Variants in STRADA observed in about 807,000 individuals in gnomAD.
STRADA encodes STE20-related kinase adapter protein alpha.
STRADA carries 26 observed loss-of-function variants against 55.0 expected under a neutral mutation model. That is an observed-to-expected ratio of 0.47 (90% CI 0.35 to 0.66). The LOEUF is 0.66. STRADA is among the 30% of genes least tolerant of loss of function. The pLI is 0.01. For missense variants in STRADA, 443 were observed against 549.7 expected, an observed-to-expected ratio of 0.81 and a Z score of 1.94; for synonymous variants, 197 against 210.9, an observed-to-expected ratio of 0.93 and a Z score of 0.57.
chr17:63,707,111 C>T (rs35631456), intron 9 of STRADA, 136 bp downstream of exon 9: 110,519 of 1,122,300 alleles, frequency 0.098, 6,228 homozygotes, highest in Non-Finnish European at 0.11. Context: ...GCGCTGCCCA[C>T]GCTGAGGGCT....
chr17:63,729,004 C>T (rs904989798), intron 1 of STRADA, among the ~76,000 whole-genome samples: 3 of 151,924 alleles, frequency 2.0e-5, no homozygotes, highest in African/African-American at 7.3e-5. Context: ...AACCTTTTCC[C>T]AGAAGCAATT....
At chr17:63,731,791 T>C (rs1321083648) in intron 1 of STRADA, among the ~76,000 whole-genome samples, 1 of 152,312 alleles carries the variant, frequency 6.6e-6, no homozygotes, top group East Asian at 1.9e-4. Context: ...GGCAGATAGA[T>C]GTTTTTATCT....
At chr17:63,714,174 G>A in intron 4 of STRADA, 66 bp from the exon 5 acceptor site, 1 of 1,261,344 alleles carries the variant, frequency 7.9e-7, no homozygotes, top group South Asian at 1.2e-5. Context: ...TGGGGTGAAG[G>A]TGGTAATTCA....
intron 3 of STRADA, chr17:63,726,349 T>C (rs916186666): frequency 3.8e-5 from 12 of 316,964 alleles, no homozygotes; most frequent in Non-Finnish European, 5.7e-5. Context: ...CTACAGACTT[T>C]TAAATAGTTT....
intron 1 of STRADA, among the ~76,000 whole-genome samples, chr17:63,739,880 C>T (rs910329815): frequency 7.3e-6 from 1 of 136,600 alleles, no homozygotes; most frequent in Non-Finnish European, 1.5e-5. Flanking sequence ...GACGGCTGCT[C>T]CGACGAAGGC....
At chr17:63,706,562 G>A (rs1213577311) in intron 10 of STRADA, 73 bp downstream of exon 10, 2 of 1,058,724 alleles carry the variant, frequency 1.9e-6, no homozygotes, top group African/African-American at 3.1e-5. Flanking sequence ...TGTGTCCTGA[G>A]TGTGAGAGCT....
At chr17:63,737,344 C>G (rs1449697726) in intron 1 of STRADA, 2 of 147,386 alleles carry the variant, frequency 1.4e-5, no homozygotes, top group Admixed American at 6.9e-5. Flanking sequence ...GAAGTTAGGA[C>G]AGTGGACCGC....
intron 4 of STRADA, 183 bp from the exon 5 acceptor site, chr17:63,714,291 A>G: frequency 8.5e-6 from 5 of 585,490 alleles, no homozygotes; most frequent in South Asian, 6.3e-5. Context: ...ATCAGCACTA[A>G]TATCAGAGCA....
intron 5 of STRADA, 62 bp downstream of exon 5, chr17:63,713,944 G>A (rs1478328094): frequency 2.9e-6 from 4 of 1,393,904 alleles, no homozygotes; most frequent in South Asian, 1.2e-5. Flanking sequence ...TGGGGCTGCT[G>A]AGAAAGCTGC....
chr17:63,703,840 CG>C, intron 12 of STRADA, 89 bp from the exon 13 acceptor site: 3 of 1,608,982 alleles, frequency 1.9e-6, no homozygotes, highest in Non-Finnish European at 2.5e-6. Context: ...TGGTGGCAGA[CG>C]GGCTGTCGGA....
rs111751695 is a variant in STRADA at position 63,733,802 on chromosome 17, A to AT, written c.-44-5390dup. The stretch of plus-strand genomic sequence containing the variant: ...CCAGGCACAGGCTGCCTACATGACC[A>AT]TCCTGGGTATGGAGTTTCTAATGAG... On this transcript the variant is annotated intron_variant, in intron 1 of 12. Transcript: ENST00000336174. Among the ~76,000 whole-genome samples, 1,429 of 152,342 alleles carry AT rather than the reference A, an allele frequency of 9.4e-3. 23 individuals are homozygous for AT. The highest frequency in any genetic ancestry group is 0.032 in the African/African-American group (1,338 of 41,574).
chr17:63,722,899 A>T (rs1271468866), intron 4 of STRADA, among the ~76,000 whole-genome samples: 4 of 152,164 alleles, frequency 2.6e-5, no homozygotes, highest in African/African-American at 7.2e-5. Flanking sequence ...CTAGGCAGAG[A>T]TCTGTATTAT....
In STRADA at chr17:63,703,764, A is replaced by G. The variant is rs771972259; in HGVS notation, c.1144-13T>C. On this transcript the variant is annotated splice_polypyrimidine_tract_variant and intron_variant, in intron 12 of 12. Coordinates refer to ENST00000336174, the MANE Select transcript of STRADA (RefSeq NM_001003787.4). ...CACGTCGCTTGATCTGGGGGAGAAG[A>G]GAGAGGTGGGTGACAGATCCTGTTG... 2 of 1,613,400 alleles carry G rather than the reference A, an allele frequency of 1.2e-6. No individual in the cohort carries two copies. The highest frequency in any genetic ancestry group is 1.7e-5 in the Admixed American group (1 of 59,996).
chr17:63,740,127 T>TATATACAC (rs1246578359), intron 1 of STRADA, among the ~76,000 whole-genome samples: 10 of 53,148 alleles, frequency 1.9e-4, no homozygotes, highest in Admixed American at 4.2e-4. Context: ...CATATATATA[T>TATATACAC]ACACATACAT....
intron 6 of STRADA, 21 bp downstream of exon 6, chr17:63,713,385 G>A (rs1428736106): frequency 6.2e-6 from 10 of 1,610,650 alleles, no homozygotes; most frequent in African/African-American, 1.3e-5. Flanking sequence ...CCCTCCATGT[G>A]ACACACTCAT....
rs971998089 is a variant in STRADA at position 63,703,702 on chromosome 17, G to A, written c.1193C>T (p.Thr398Ile). The change falls in exon 13 of 13, where the codon ACC becomes ATC. Residue 398 changes from threonine (T) to isoleucine (I), a missense_variant. Thr to Ile is a moderately conservative substitution (Grantham distance 89). Coordinates refer to ENST00000336174, the MANE Select transcript of STRADA (RefSeq NM_001003787.4). Reference protein sequence around the residue: ...EALPELLRPVTPITNFEGSQS... With the variant: ...EALPELLRPVIPITNFEGSQS... Reference sequence around the variant, plus strand: ...GCTGCCCTCAAAATTGGTGATGGGGGTGACAGGACGAAGCAATTCGGGCAA... The same window carrying A: ...GCTGCCCTCAAAATTGGTGATGGGGATGACAGGACGAAGCAATTCGGGCAA... 1.9e-6 allele frequency: 3 copies of A among 1,614,086 alleles called. No individual in the cohort carries two copies. The highest frequency in any genetic ancestry group is 1.3e-5 in the African/African-American group (1 of 74,920).
Position 63,740,107 on chromosome 17 carries a change from T to TATATATATAC in STRADA, c.-45+1633_-45+1634insGTATATATAT, listed in dbSNP as rs1309095081. Among the ~76,000 whole-genome samples the TATATATATAC allele has an allele frequency of 1.3e-3, 66 of 49,648 alleles. 11 individuals are homozygous for TATATATATAC. The highest frequency in any genetic ancestry group is 4.6e-3 in the African/African-American group (48 of 10,546). The allele number at this position is 49,648 out of a possible 152,430, so 32.6% of individuals were successfully genotyped here. On this transcript the variant is annotated intron_variant, in intron 1 of 12. Transcript: ENST00000336174. Reference sequence around the variant, plus strand: ...AACACTATATATATATATATATATATACATACATACATATATATATACACA... The same window carrying TATATATATAC: ...AACACTATATATATATATATATATATATATATATACACATACATACATATATATATACACA...
intron 4 of STRADA, chr17:63,718,916 G>C (rs2037092641): frequency 6.6e-6 from 1 of 152,148 alleles, no homozygotes; most frequent in Non-Finnish European, 1.5e-5. Flanking sequence ...TACCATTGCA[G>C]CTTATTTCTC....
chr17:63,726,420 A>C lies in STRADA; in HGVS notation c.94+218T>G, dbSNP rs564406837. The stretch of plus-strand genomic sequence containing the variant: ...AGAAAACATATATGCTTTTAAGTAA[A>C]TACTGGCTTTCTAACAATCAAGACA... On this transcript the variant is annotated intron_variant, in intron 3 of 12. Transcript: ENST00000336174. The C allele has an allele frequency of 1.7e-5, 8 of 472,072 alleles. No individual in the cohort carries two copies. In the East Asian group the frequency reaches 2.0e-4, roughly 12 times the overall value. The allele number at this position is 472,072 out of a possible 1,614,324, so 29.2% of individuals were successfully genotyped here.
Sources: allele counts gnomAD v4.1 joint callset (sites outside exome capture counted in the v4.1 genomes callset), GRCh38; gene constraint gnomAD v4.1.1; transcripts MANE v1.5; gene names NCBI Gene and HGNC (gene_info 2026-07-23, HGNC 2026-07-21).